NRXN2: variants seen among roughly 807,000 people sequenced by gnomAD.
The protein encoded by NRXN2 is neurexin-2-beta.
NRXN2 carries 29 observed loss-of-function variants against 128.8 expected under a neutral mutation model. That is an observed-to-expected ratio of 0.23 (90% CI 0.17 to 0.31). The LOEUF (loss-of-function observed/expected upper bound fraction) is 0.31. Ranked by LOEUF, NRXN2 falls within the 10% of genes least tolerant of loss-of-function variation. The pLI is 1.00. For synonymous variants in NRXN2, 1,098 were observed against 1,075.2 expected (o/e 1.02, Z -0.41); for missense variants, 1,881 against 2,452.6 (o/e 0.77, Z 4.92).
rs78599161 is a variant in NRXN2, at chr11:64,638,957, C to T, written c.3404-3505G>A. ...CACCTGCATTCTAGAAAAAAACCAACCAACCATTAATAATGGTTAGCTAAC... is the reference window on the plus strand; with the variant it reads ...CACCTGCATTCTAGAAAAAAACCAATCAACCATTAATAATGGTTAGCTAAC... On this transcript the variant is annotated intron_variant, in intron 17 of 22. Transcript: ENST00000265459. Among the ~76,000 whole-genome samples, 955 of 152,328 alleles carry T rather than the reference C, an allele frequency of 6.3e-3. 9 individuals carry two copies. Among genetic ancestry groups the T allele is most frequent in the African/African-American group, 0.018 (764 of 41,564 alleles).
chr11:64,608,389 A>C (rs1475928074), intron 22 of NRXN2, among the ~76,000 whole-genome samples: 1 of 151,952 alleles, frequency 6.6e-6, no homozygotes, highest in Non-Finnish European at 1.5e-5. Context: ...AGAAAAAAAA[A>C]CTCTACTGGT....
intron 9 of NRXN2, among the ~76,000 whole-genome samples, chr11:64,662,114 CG>C (rs2049114157): frequency 6.6e-6 from 1 of 151,416 alleles, no homozygotes; most frequent in African/African-American, 2.4e-5. Flanking sequence ...AAAAATTAGC[CG>C]GGTGTGTTGG....
intron 1 of NRXN2, among the ~76,000 whole-genome samples, chr11:64,715,323 G>A (rs71579870): frequency 3.4e-3 from 519 of 152,240 alleles, no homozygotes; most frequent in African/African-American, 9.2e-3. Context: ...GCCAGTCAGC[G>A]GGGAACTGAG....
Position 64,607,546 on chromosome 11 carries a change from G to T in NRXN2, c.4789C>A (p.Arg1597Ser). 1.3e-6 allele frequency: 2 copies of T among 1,552,068 alleles called. No homozygotes were observed. Residue 1597 changes from arginine to serine, a missense_variant, in exon 23 of 23, where the codon CGC becomes AGC. This residue lies in a region of NRXN2 where 310 missense variants were observed against 318.2 expected (regional missense o/e 0.97). Transcript: ENST00000265459. ...CCGGGGGCTGAGGTCACGCCGGGGC[G>T]CAGGGGAGGGGGCCTCCGCGGCTCA... ...SFEPRRPPPL[R>S]PGVTSAPGFP...
chr11:64,721,850 C>A (rs942917231), intron 1 of NRXN2, among the ~76,000 whole-genome samples: 1 of 152,030 alleles, frequency 6.6e-6, no homozygotes. Flanking sequence ...GACTGGGGAC[C>A]CAAGACCCAC....
chr11:64,629,659 C>A (rs1287153831), intron 19 of NRXN2, among the ~76,000 whole-genome samples: 1 of 152,182 alleles, frequency 6.6e-6, no homozygotes, highest in African/African-American at 2.4e-5. Flanking sequence ...TGAACTTGGT[C>A]TGTCTGCATT....
At chr11:64,658,123 C>T (rs149211448) in intron 11 of NRXN2, among the ~76,000 whole-genome samples, 168 of 152,298 alleles carry the variant, frequency 1.1e-3, no homozygotes, top group African/African-American at 4.0e-3. Flanking sequence ...ATCTTCTTCC[C>T]AGGGGCCTAG....
intron 9 of NRXN2, among the ~76,000 whole-genome samples, chr11:64,666,925 T>C (rs1241552007): frequency 1.3e-5 from 2 of 152,090 alleles, no homozygotes; most frequent in Admixed American, 1.3e-4. Flanking sequence ...TGCTAATGCT[T>C]CCACAGATGT....
Position 64,648,725 on chromosome 11 carries a change from TC to T in NRXN2, c.3283+8del. 1.9e-6 allele frequency: 3 copies of T among 1,613,176 alleles called. No homozygotes were observed. The highest frequency in any genetic ancestry group is 2.5e-6 in the Non-Finnish European group (3 of 1,179,904). ...AGGGCCACACCTCACTCCTCCACCC[TC>T]CACTCACCATCACAGCCCCTCTCCA... On this transcript the variant is annotated splice_region_variant and intron_variant, in intron 16 of 22. Transcript: ENST00000265459. The surrounding 1 kb of genome is among the most constrained non-coding windows in gnomAD (Gnocchi z 4.1).
At chr11:64,707,241 G>A (rs2056430153) in intron 2 of NRXN2, among the ~76,000 whole-genome samples, 1 of 152,034 alleles carries the variant, frequency 6.6e-6, no homozygotes, top group South Asian at 2.1e-4. Flanking sequence ...AAATACATTA[G>A]CCAGGTGTGG....
At position 64,703,954 on chromosome 11, in the gene NRXN2, A is replaced by AAGCT. The variant is rs1313246071; in HGVS notation, c.731-6166_731-6163dup. On this transcript the variant is annotated intron_variant, in intron 2 of 22. Transcript: ENST00000265459. ...AAGTTCACACGGCTAACAAGTAGCA[A>AAGCT]AGCTAGGTTCAAACCATGGCAGCCT... 5.3e-5 allele frequency among the ~76,000 whole-genome samples: 8 copies of AAGCT among 152,322 alleles called. No individual in the cohort carries two copies. In the East Asian group the frequency reaches 1.5e-3, roughly 29 times the overall value.
At chr11:64,620,660 C>T (rs563373157) in intron 21 of NRXN2, among the ~76,000 whole-genome samples, 3 of 149,860 alleles carry the variant, frequency 2.0e-5, no homozygotes, top group East Asian at 2.0e-4. Context: ...GGAGAGTGGA[C>T]GCCAGACTTT....
intron 2 of NRXN2, among the ~76,000 whole-genome samples, chr11:64,704,623 CAGAG>C (rs61394963): frequency 0.032 from 2,570 of 80,804 alleles, 56 homozygotes; most frequent in African/African-American, 0.046. Context: ...CACACACACA[CAGAG>C]AGAGAGAGAG....
intron 9 of NRXN2, chr11:64,661,435 G>C (rs1281658450): frequency 4.6e-6 from 6 of 1,310,410 alleles, no homozygotes; most frequent in Non-Finnish European, 5.9e-6. Flanking sequence ...TCAGAGGATA[G>C]GCAGGAAGTG....
chr11:64,672,798 G>C (rs951971392), intron 7 of NRXN2, among the ~76,000 whole-genome samples: 4 of 152,080 alleles, frequency 2.6e-5, no homozygotes, highest in African/African-American at 4.8e-5. Flanking sequence ...TCAATGAGAG[G>C]GCAGAAGCTA....
At chr11:64,637,240 G>A (rs1236398384) in intron 17 of NRXN2, among the ~76,000 whole-genome samples, 1 of 152,160 alleles carries the variant, frequency 6.6e-6, no homozygotes. Flanking sequence ...AGCAGACAGA[G>A]GGGGCTTGGC....
At chr11:64,633,390 C>T (rs2044217848) in intron 18 of NRXN2, among the ~76,000 whole-genome samples, 1 of 152,214 alleles carries the variant, frequency 6.6e-6, no homozygotes, top group Admixed American at 6.5e-5. Context: ...CTCCAAACAT[C>T]CCTCTGTCCT....
intron 1 of NRXN2, among the ~76,000 whole-genome samples, chr11:64,716,372 G>A (rs1000698901): frequency 6.6e-6 from 1 of 152,138 alleles, no homozygotes; most frequent in Non-Finnish European, 1.5e-5. Context: ...TGGGAAAGGC[G>A]AGGGGCAGGA....
intron 1 of NRXN2, among the ~76,000 whole-genome samples, chr11:64,717,865 T>C (rs2057341397): frequency 6.6e-6 from 1 of 152,216 alleles, no homozygotes; most frequent in Admixed American, 6.5e-5. Flanking sequence ...GGCATTTCTT[T>C]TCCCCTGTGT....
Sources: gnomAD v4.1 joint callset for allele counts (sites outside exome capture counted in the v4.1 genomes callset) on GRCh38, gnomAD v4.1.1 for gene constraint, gnomAD v4.1.1 regional missense constraint, Gnocchi (gnomAD v3.1) non-coding constraint, MANE v1.5 for transcripts, NCBI Gene and HGNC (gene_info 2026-07-23, HGNC 2026-07-21) for gene names.